The following NELL1 variants were observed in gnomAD, a reference collection of about 807,000 sequenced individuals.
NELL1 encodes the protein protein kinase C-binding protein NELL1.
In NELL1, 76 loss-of-function variants were observed where a neutral mutation model predicts 107.4. That is an observed-to-expected ratio of 0.71 (90% CI 0.59 to 0.86). NELL1 has a LOEUF of 0.86. Ranked by LOEUF, NELL1 falls within the 40% of genes least tolerant of loss-of-function variation. NELL1 has a pLI of 0.00. For synonymous variants in NELL1, 353 were observed against 341.2 expected (o/e 1.03, Z -0.38); for missense variants, 1,024 against 1,005.5 (o/e 1.02, Z -0.25).
chr11:20,757,805 C>A (rs978005725), intron 2 of NELL1, among the ~76,000 whole-genome samples: 1 of 152,006 alleles, frequency 6.6e-6, no homozygotes, highest in Non-Finnish European at 1.5e-5. Context: ...CCTTTTTTTG[C>A]AATTTTGGTA....
intron 14 of NELL1, among the ~76,000 whole-genome samples, chr11:21,237,583 A>C (rs569077367): frequency 1.9e-4 from 29 of 152,184 alleles, no homozygotes; most frequent in South Asian, 6.2e-4. Context: ...GTCATCATAG[A>C]AGTTATTGAA....
At chr11:21,000,081 G>T (rs928780766) in intron 12 of NELL1, among the ~76,000 whole-genome samples, 3 of 152,054 alleles carry the variant, frequency 2.0e-5, no homozygotes, top group African/African-American at 7.2e-5. Context: ...AAAGGTGTTG[G>T]CAATGATTGA....
chr11:21,554,235 G>A (rs78750560), intron 16 of NELL1, among the ~76,000 whole-genome samples: 6,109 of 151,858 alleles, frequency 0.04, 430 homozygotes, highest in African/African-American at 0.14. Flanking sequence ...ACTTTTCTTC[G>A]TCTACAGTAA....
chr11:21,110,560 G>T (rs1855082770), intron 12 of NELL1, among the ~76,000 whole-genome samples: 1 of 152,126 alleles, frequency 6.6e-6, no homozygotes, highest in African/African-American at 2.4e-5. Flanking sequence ...AGAAAAATGA[G>T]CCAGGAGGTT....
intron 3 of NELL1, among the ~76,000 whole-genome samples, chr11:20,809,659 G>A (rs1480700648): frequency 6.6e-6 from 1 of 152,014 alleles, no homozygotes; most frequent in Non-Finnish European, 1.5e-5. Context: ...TTCACTTAAT[G>A]TCTTTCAGGT....
intron 14 of NELL1, among the ~76,000 whole-genome samples, chr11:21,308,770 G>A (rs1210751728): frequency 6.6e-6 from 1 of 151,820 alleles, no homozygotes; most frequent in Admixed American, 6.6e-5. Context: ...AGGATCATAA[G>A]CCACTGACAT....
intron 4 of NELL1, among the ~76,000 whole-genome samples, chr11:20,867,601 C>G (rs1692834618): frequency 6.6e-6 from 1 of 152,148 alleles, no homozygotes; most frequent in Non-Finnish European, 1.5e-5. Flanking sequence ...TTGCTGATCT[C>G]TGGGTATCCT....
intron 14 of NELL1, among the ~76,000 whole-genome samples, chr11:21,232,181 T>TA (rs1375976378): frequency 1.5e-5 from 2 of 132,026 alleles, no homozygotes; most frequent in East Asian, 2.1e-4. Flanking sequence ...TATATATAAA[T>TA]TAGCTGGGCG....
intron 14 of NELL1, among the ~76,000 whole-genome samples, chr11:21,348,826 A>G (rs1023783315): frequency 6.6e-6 from 1 of 152,214 alleles, no homozygotes; most frequent in South Asian, 2.1e-4. Flanking sequence ...GTGAAATACT[A>G]GGAAACTTTC....
intron 12 of NELL1, among the ~76,000 whole-genome samples, chr11:21,041,287 C>G (rs1000420805): frequency 2.0e-5 from 3 of 152,078 alleles, no homozygotes; most frequent in African/African-American, 4.8e-5. Context: ...CTTGCGTAGT[C>G]GCTTTGAGTT....
chr11:21,057,095 G>A (rs896843201), intron 12 of NELL1, among the ~76,000 whole-genome samples: 2 of 152,022 alleles, frequency 1.3e-5, no homozygotes, highest in Admixed American at 1.3e-4. Flanking sequence ...ATGAGTGAGT[G>A]TATGCTTAAT....
chr11:21,125,974 G>C (rs1443059683), intron 13 of NELL1, among the ~76,000 whole-genome samples: 2 of 152,216 alleles, frequency 1.3e-5, no homozygotes, highest in African/African-American at 4.8e-5. Context: ...GAGTGAATGA[G>C]AGAATATTTG....
chr11:20,934,754 A>G (rs1179491245), intron 9 of NELL1, among the ~76,000 whole-genome samples: 3 of 152,210 alleles, frequency 2.0e-5, no homozygotes, highest in Non-Finnish European at 4.4e-5. Context: ...GAGTGTGGGA[A>G]TTTATTAGAC....
At chr11:21,396,128 A>G (rs577827532) in intron 15 of NELL1, among the ~76,000 whole-genome samples, 13 of 151,590 alleles carry the variant, frequency 8.6e-5, no homozygotes, top group African/African-American at 2.9e-4. Flanking sequence ...CAAAGCATCA[A>G]TAATTGAGTA....
intron 14 of NELL1, among the ~76,000 whole-genome samples, chr11:21,249,229 G>C (rs1204265894): frequency 6.6e-6 from 1 of 152,146 alleles, no homozygotes; most frequent in African/African-American, 2.4e-5. Flanking sequence ...ATTTGGTGTA[G>C]AGATTATGCA....
intron 14 of NELL1, among the ~76,000 whole-genome samples, chr11:21,280,733 C>T (rs146842037): frequency 4.0e-5 from 6 of 151,618 alleles, no homozygotes; most frequent in Admixed American, 6.6e-5. Flanking sequence ...TGCTATGGGG[C>T]GTTAAATAAT....
rs146445801 is a variant in NELL1, at chr11:21,438,295, T to C, written c.1645+67347T>C. ...TGTTTGTTTCTTTGTTTCAGCACTTTGAATATATTATACCATCCTCTCCTG... is the reference window on the plus strand; with the variant it reads ...TGTTTGTTTCTTTGTTTCAGCACTTCGAATATATTATACCATCCTCTCCTG... On this transcript the variant is annotated intron_variant, in intron 15 of 19. Transcript: ENST00000357134. Among the ~76,000 whole-genome samples, 147 of 152,262 alleles carry C rather than the reference T, an allele frequency of 9.7e-4. 1 individual carries two copies. Among genetic ancestry groups the C allele is most frequent in the African/African-American group, 3.5e-3 (145 of 41,562 alleles).
chr11:21,345,851 A>G (rs1014948686), intron 14 of NELL1, among the ~76,000 whole-genome samples: 5 of 152,160 alleles, frequency 3.3e-5, no homozygotes, highest in African/African-American at 4.8e-5. Context: ...ACGACCAGCA[A>G]TAGGAATAAC....
chr11:21,417,208 C>T (rs578163835), intron 15 of NELL1, among the ~76,000 whole-genome samples: 1 of 151,942 alleles, frequency 6.6e-6, no homozygotes, highest in Non-Finnish European at 1.5e-5. Flanking sequence ...TACCTCTTCT[C>T]CTCTCCCTTT....
Sources: allele counts gnomAD v4.1 joint callset (sites outside exome capture counted in the v4.1 genomes callset), GRCh38; gene constraint gnomAD v4.1.1; transcripts MANE v1.5; gene names NCBI Gene and HGNC (gene_info 2026-07-23, HGNC 2026-07-21).